The following SHANK2 variants were observed in gnomAD, a reference collection of about 807,000 sequenced individuals.
SHANK2 encodes SH3 and multiple ankyrin repeat domains 2.
Under a neutral mutation model 133.7 loss-of-function variants are expected in SHANK2, and 43 were observed. The observed-to-expected ratio is 0.32, with a 90% CI of 0.25 to 0.41. The LOEUF (loss-of-function observed/expected upper bound fraction) is 0.41, where lower values mean the gene tolerates loss of function less well. Ranked by LOEUF, SHANK2 falls within the 10% of genes least tolerant of loss-of-function variation. The pLI is 1.00. For missense variants in SHANK2, 1,994 were observed against 2,235.8 expected (o/e 0.89, Z 2.18); for synonymous variants, 1,017 against 952.8 (o/e 1.07, Z -1.24).
At chr11:70,674,476 G>C (rs1448264944) in intron 15 of SHANK2, among the ~76,000 whole-genome samples, 1 of 152,044 alleles carries the variant, frequency 6.6e-6, no homozygotes, top group Non-Finnish European at 1.5e-5. Context: ...AGCCTCCCAA[G>C]TAGCTGTAAT....
chr11:71,057,479 G>A (rs1950934326), intron 9 of SHANK2, among the ~76,000 whole-genome samples: 2 of 152,230 alleles, frequency 1.3e-5, no homozygotes, highest in African/African-American at 4.8e-5. Context: ...GGAAGGATAT[G>A]CACCAGTTAA....
At chr11:70,592,359 T>C (rs979162170) in intron 17 of SHANK2, among the ~76,000 whole-genome samples, 10 of 152,128 alleles carry the variant, frequency 6.6e-5, no homozygotes, top group Non-Finnish European at 1.3e-4. Context: ...TGCAGTCTGC[T>C]CCCACTCGGA....
chr11:70,783,610 A>G (rs1555045724), intron 14 of SHANK2, among the ~76,000 whole-genome samples: 1 of 152,052 alleles, frequency 6.6e-6, no homozygotes, highest in Non-Finnish European at 1.5e-5. Context: ...ACTAGTAATA[A>G]AATCAGGAAG....
chr11:70,765,264 A>C (rs1442357661), intron 14 of SHANK2, among the ~76,000 whole-genome samples: 1 of 152,240 alleles, frequency 6.6e-6, no homozygotes, highest in African/African-American at 2.4e-5. Flanking sequence ...GGGTTCATCC[A>C]ACTCCCTTGG....
At chr11:70,734,325 AC>A (rs1288039222) in intron 14 of SHANK2, among the ~76,000 whole-genome samples, 2 of 151,958 alleles carry the variant, frequency 1.3e-5, no homozygotes, top group Non-Finnish European at 2.9e-5. Context: ...AATAGTTAAA[AC>A]CCGAGGGAGG....
intron 10 of SHANK2, among the ~76,000 whole-genome samples, chr11:70,930,367 A>G (rs1326758073): frequency 6.6e-6 from 1 of 152,194 alleles, no homozygotes; most frequent in African/African-American, 2.4e-5. Context: ...ATTGATAGTC[A>G]ACCTTTAGAC....
chr11:70,938,813 G>C (rs782051696), intron 10 of SHANK2, among the ~76,000 whole-genome samples: 13 of 152,256 alleles, frequency 8.5e-5, no homozygotes, highest in Admixed American at 2.0e-4. Context: ...CACACCTAGA[G>C]CATGGAATGC....
At position 70,804,407 on chromosome 11, in the gene SHANK2, C is replaced by T. The variant is rs944041369; in HGVS notation, c.1663+2595G>A. On this transcript the variant is annotated intron_variant, in intron 13 of 25. Coordinates refer to ENST00000601538, the MANE Select transcript of SHANK2 (RefSeq NM_012309.5). This position sits in a 1 kb window ranked among gnomAD's most constrained non-coding sequence, Gnocchi z 4.1. ...GCCAATTGTGTGCAAATGGCCTGCG[C>T]GGCCCACTCGAATCTCTTTTCAGAA... 1.3e-5 allele frequency among the ~76,000 whole-genome samples: 2 copies of T among 152,312 alleles called. No homozygotes were observed. Among genetic ancestry groups the T allele is most frequent in the East Asian group, 1.9e-4 (1 of 5,166 alleles).
intron 11 of SHANK2, among the ~76,000 whole-genome samples, chr11:70,829,260 A>C (rs1272572456): frequency 6.6e-6 from 1 of 151,984 alleles, no homozygotes; most frequent in Non-Finnish European, 1.5e-5. Flanking sequence ...CCAGAGAAAA[A>C]CCCAGAACCT....
At chr11:71,221,168 T>G (rs1954529553) in intron 2 of SHANK2, among the ~76,000 whole-genome samples, 2 of 145,264 alleles carry the variant, frequency 1.4e-5, no homozygotes, top group African/African-American at 5.2e-5. Flanking sequence ...GCCACTGCAC[T>G]CCAGCCTGGG....
chr11:70,659,742 C>G (rs539859382), intron 17 of SHANK2, 86 bp downstream of exon 17: 496 of 1,554,970 alleles, frequency 3.2e-4, no homozygotes, highest in Non-Finnish European at 4.3e-4. Context: ...GACTGGGCCT[C>G]GTGGCTGTGC....
At position 70,500,537 on chromosome 11, in the gene SHANK2, A is replaced by AG; in HGVS notation, c.2308+32dup. On this transcript the variant is annotated intron_variant, in intron 21 of 25. Coordinates refer to ENST00000601538, the MANE Select transcript of SHANK2 (RefSeq NM_012309.5). The surrounding 1 kb of genome is among the most constrained non-coding windows in gnomAD (Gnocchi z 4.5). ...TCTGTTCCACAGGGGGGTGATGGGC[A>AG]GGGGGCTGAGACAGACACTGGGCCT... 1 of 1,595,694 alleles carries AG rather than the reference A, an allele frequency of 6.3e-7. No individual in the cohort carries two copies. Among genetic ancestry groups the AG allele is most frequent in the Non-Finnish European group, 8.5e-7 (1 of 1,171,338 alleles).
chr11:70,552,772 C>T (rs892380403), intron 17 of SHANK2, among the ~76,000 whole-genome samples: 4 of 152,150 alleles, frequency 2.6e-5, no homozygotes, highest in African/African-American at 9.7e-5. Flanking sequence ...TCCTTACACA[C>T]GTGTCTCAGG....
At chr11:70,820,937 T>C (rs781792779) in intron 11 of SHANK2, among the ~76,000 whole-genome samples, 7 of 152,120 alleles carry the variant, frequency 4.6e-5, no homozygotes, top group East Asian at 1.9e-4. Context: ...GTACTTCGCA[T>C]GGAAGGGACG....
At chr11:71,138,790 CAAAAA>C (rs58396625) in intron 3 of SHANK2, among the ~76,000 whole-genome samples, 1 of 82,950 alleles carries the variant, frequency 1.2e-5, no homozygotes, top group African/African-American at 4.2e-5. Context: ...GACCCTATCT[CAAAAA>C]AAAAAAAAAA....
intron 14 of SHANK2, among the ~76,000 whole-genome samples, chr11:70,703,031 C>T (rs1467892177): frequency 6.6e-6 from 1 of 152,228 alleles, no homozygotes; most frequent in Non-Finnish European, 1.5e-5. Context: ...AGATTAGAAA[C>T]CTCTGCCTCC....
intron 17 of SHANK2, among the ~76,000 whole-genome samples, chr11:70,548,903 T>C (rs1554977081): frequency 2.0e-5 from 3 of 152,078 alleles, no homozygotes. Context: ...GGGCTGCTGC[T>C]GCAAGCCAAG....
chr11:70,710,222 G>A (rs1053277346), intron 14 of SHANK2, among the ~76,000 whole-genome samples: 3 of 152,184 alleles, frequency 2.0e-5, no homozygotes, highest in Admixed American at 1.3e-4. Flanking sequence ...GGGCTGTGCC[G>A]TCCCCTCAGG....
intron 14 of SHANK2, among the ~76,000 whole-genome samples, chr11:70,766,271 A>C (rs782257192): frequency 6.6e-6 from 1 of 152,254 alleles, no homozygotes; most frequent in Non-Finnish European, 1.5e-5. Context: ...TGTATGTTTG[A>C]AGCCCTCATA....
Sources: allele counts gnomAD v4.1 joint callset (sites outside exome capture counted in the v4.1 genomes callset), GRCh38; gene constraint gnomAD v4.1.1; non-coding constraint Gnocchi (gnomAD v3.1); transcripts MANE v1.5; gene names NCBI Gene and HGNC (gene_info 2026-07-23, HGNC 2026-07-21).